Variants in BACH2 observed in about 807,000 individuals in gnomAD.
The protein encoded by BACH2 is transcription regulator protein BACH2.
In BACH2, 5 loss-of-function variants were observed where a neutral mutation model predicts 61.8. The observed-to-expected ratio is 0.08, with a 90% confidence interval of 0.04 to 0.17. The LOEUF (loss-of-function observed/expected upper bound fraction) is 0.17. Ranked by LOEUF, BACH2 falls within the 10% of genes least tolerant of loss-of-function variation. The pLI is 1.00. For synonymous variants in BACH2, 446 were observed against 440.1 expected (o/e 1.01, Z -0.17); for missense variants, 824 against 1,091.1 (o/e 0.76, Z 3.45).
chr6:90,021,900 C>CA (rs1035152447), intron 5 of BACH2, among the ~76,000 whole-genome samples: 1 of 152,154 alleles, frequency 6.6e-6, no homozygotes, highest in African/African-American at 2.4e-5. Flanking sequence ...CTTATTTACT[C>CA]AAACACTCCA....
intron 4 of BACH2, among the ~76,000 whole-genome samples, chr6:90,092,094 CA>C (rs1478981366): frequency 6.6e-6 from 1 of 151,476 alleles, no homozygotes. Context: ...AGGGGAAATA[CA>C]AAAAACAAAC....
intron 5 of BACH2, among the ~76,000 whole-genome samples, chr6:90,080,223 G>C (rs1033689919): frequency 6.6e-6 from 1 of 152,104 alleles, no homozygotes; most frequent in African/African-American, 2.4e-5. Flanking sequence ...TTCTAAAACA[G>C]AGCGGGCTGT....
In BACH2 at chr6:90,211,407, T is replaced by C. The variant is rs1057050862; in HGVS notation, c.-274-4726A>G. Among the ~76,000 whole-genome samples the C allele has an allele frequency of 6.6e-5, 10 of 151,846 alleles. No individual in the cohort carries two copies. In the South Asian group the frequency reaches 1.0e-3, roughly 16 times the overall value. Reference sequence around the variant, plus strand: ...TGTCTTGGGTGTCAGCAAATGGGAGTTGGAGAAAACACCAGGCGTACCTGA... The same window carrying C: ...TGTCTTGGGTGTCAGCAAATGGGAGCTGGAGAAAACACCAGGCGTACCTGA... On this transcript the variant is annotated intron_variant, in intron 3 of 8. Transcript: ENST00000257749.
chr6:90,250,346 T>C (rs2127869827), intron 3 of BACH2, among the ~76,000 whole-genome samples: 1 of 152,354 alleles, frequency 6.6e-6, no homozygotes, highest in South Asian at 2.1e-4. Context: ...GCTAAATAAT[T>C]ACAAAACAGT....
chr6:90,130,909 C>T (rs1366541977), intron 4 of BACH2, among the ~76,000 whole-genome samples: 1 of 152,240 alleles, frequency 6.6e-6, no homozygotes, highest in East Asian at 1.9e-4. Context: ...TCATCTGATA[C>T]TACCTGCTTT....
At chr6:90,151,884 T>C (rs1784824846) in intron 4 of BACH2, among the ~76,000 whole-genome samples, 1 of 152,256 alleles carries the variant, frequency 6.6e-6, no homozygotes, top group African/African-American at 2.4e-5. Context: ...CCAATCTTGG[T>C]GAATGAATTC....
At position 90,276,760 on chromosome 6, in the gene BACH2, T is replaced by C. The variant is rs189610363; in HGVS notation, c.-445-4819A>G. Among the ~76,000 whole-genome samples, 26 of 152,264 alleles carry C rather than the reference T, an allele frequency of 1.7e-4. 1 individual carries two copies. Among genetic ancestry groups the C allele is most frequent in the African/African-American group, 6.0e-4 (25 of 41,556 alleles). On this transcript the variant is annotated intron_variant, in intron 1 of 8. Transcript: ENST00000257749. ...AATACACTCCCCAGTTATTCATCCC[T>C]TATTATACCCTGGGACAATGGTCAT...
At chr6:90,158,814 A>T (rs1785085237) in intron 4 of BACH2, among the ~76,000 whole-genome samples, 1 of 151,848 alleles carries the variant, frequency 6.6e-6, no homozygotes, top group Non-Finnish European at 1.5e-5. Flanking sequence ...AAAACTATTC[A>T]AGGGAAAGTG....
chr6:90,204,555 C>T (rs1438472058), intron 4 of BACH2, among the ~76,000 whole-genome samples: 1 of 152,126 alleles, frequency 6.6e-6, no homozygotes, highest in Admixed American at 6.5e-5. Flanking sequence ...AACAGACACA[C>T]CTACTGAGAC....
chr6:90,144,220 T>C (rs920499716), intron 4 of BACH2, among the ~76,000 whole-genome samples: 20 of 152,208 alleles, frequency 1.3e-4, no homozygotes, highest in Non-Finnish European at 2.5e-4. Flanking sequence ...GAAAACCACA[T>C]CTGTTAATTG....
At chr6:90,248,284 G>C (rs748518977) in intron 3 of BACH2, among the ~76,000 whole-genome samples, 35 of 151,946 alleles carry the variant, frequency 2.3e-4, no homozygotes, top group Non-Finnish European at 4.6e-4. Context: ...CTTAGAATTG[G>C]ATATTTATAT....
chr6:90,288,931 T>C lies in BACH2; in HGVS notation c.-446+7549A>G, dbSNP rs1278090224. Among the ~76,000 whole-genome samples the C allele has an allele frequency of 3.9e-5, 6 of 152,174 alleles. No homozygotes were observed. The East Asian group carries it at 1.2e-3, about 29-fold the overall frequency. On this transcript the variant is annotated intron_variant, in intron 1 of 8. Coordinates refer to ENST00000257749, the MANE Select transcript of BACH2 (RefSeq NM_021813.4). The stretch of plus-strand genomic sequence containing the variant: ...AGAGGGTAGGAGTGTGAGTTACAAG[T>C]AAACCCTGGAGACAGAGCCATGGTA...
At chr6:90,058,536 T>C (rs967123392) in intron 5 of BACH2, among the ~76,000 whole-genome samples, 1 of 152,120 alleles carries the variant, frequency 6.6e-6, no homozygotes, top group African/African-American at 2.4e-5. Context: ...ATTGTGAAAA[T>C]GGCCATACTG....
chr6:90,006,632 T>C (rs1239520531), intron 6 of BACH2, among the ~76,000 whole-genome samples: 1 of 152,224 alleles, frequency 6.6e-6, no homozygotes, highest in Non-Finnish European at 1.5e-5. Flanking sequence ...ATTTATTTTT[T>C]TGAGACACGT....
At chr6:90,296,395 CCGCCCCGCG>C (rs953815868) in intron 1 of BACH2, 76 bp downstream of exon 1, 3 of 150,756 alleles carry the variant, frequency 2.0e-5, no homozygotes, top group African/African-American at 7.3e-5. Flanking sequence ...GCCTCCCCGC[CCGCCCCGCG>C]CGCCCGCTCC....
chr6:89,960,386 T>C (rs920808400), intron 6 of BACH2, among the ~76,000 whole-genome samples: 1 of 152,232 alleles, frequency 6.6e-6, no homozygotes, highest in Non-Finnish European at 1.5e-5. Context: ...ACTCTCATGC[T>C]CCCTTTCTAC....
intron 4 of BACH2, among the ~76,000 whole-genome samples, chr6:90,186,275 C>G (rs12526057): frequency 0.068 from 10,397 of 152,182 alleles, 450 homozygotes; most frequent in South Asian, 0.14. Context: ...GAAACCAAAA[C>G]AGCCCTAAGT....
chr6:89,980,499 A>G (rs1327012317), intron 6 of BACH2, among the ~76,000 whole-genome samples: 1 of 152,232 alleles, frequency 6.6e-6, no homozygotes, highest in Non-Finnish European at 1.5e-5. Flanking sequence ...GACAATCATC[A>G]AGTGAGGCTG....
chr6:90,165,589 C>T (rs1336946136), intron 4 of BACH2, among the ~76,000 whole-genome samples: 4 of 152,036 alleles, frequency 2.6e-5, no homozygotes, highest in Admixed American at 6.6e-5. Flanking sequence ...AAAAAGAGCC[C>T]GCATCGCCAA....
Sources: allele counts gnomAD v4.1 joint callset (sites outside exome capture counted in the v4.1 genomes callset), GRCh38; gene constraint gnomAD v4.1.1; transcripts MANE v1.5; gene names NCBI Gene and HGNC (gene_info 2026-07-23, HGNC 2026-07-21).